ULK4: variants seen among roughly 807,000 people sequenced by gnomAD.
The protein encoded by ULK4 is inactive serine/threonine-protein kinase ULK4.
A neutral mutation model predicts 160.6 loss-of-function variants in ULK4; 133 were observed. The ratio of observed to expected loss-of-function variants is 0.83; its 90% CI spans 0.72 to 0.96. The LOEUF is 0.96. Ranked by LOEUF, ULK4 falls within the 40% of genes least tolerant of loss-of-function variation. The pLI, the probability that ULK4 is intolerant of heterozygous loss-of-function variation, is 0.00. For synonymous variants in ULK4, 534 were observed against 539.8 expected (o/e 0.99, Z 0.15); for missense variants, 1,580 against 1,499.5 (o/e 1.05, Z -0.89).
chr3:41,623,260 T>C (rs762312946), intron 30 of ULK4, among the ~76,000 whole-genome samples: 1 of 152,132 alleles, frequency 6.6e-6, no homozygotes, highest in African/African-American at 2.4e-5. Flanking sequence ...TATTTGTCTA[T>C]GATAACACAC....
intron 22 of ULK4, among the ~76,000 whole-genome samples, chr3:41,721,882 G>A (rs2037482971): frequency 6.6e-6 from 1 of 152,122 alleles, no homozygotes. Flanking sequence ...TACTCCAGCA[G>A]TACCCCAAAA....
At chr3:41,696,242 G>A (rs577309774) in intron 27 of ULK4, among the ~76,000 whole-genome samples, 2 of 152,172 alleles carry the variant, frequency 1.3e-5, no homozygotes, top group East Asian at 1.9e-4. Context: ...CAGTGGTCAC[G>A]CTCCTAGTCC....
At chr3:41,803,970 G>A (rs2040554545) in intron 19 of ULK4, among the ~76,000 whole-genome samples, 3 of 152,130 alleles carry the variant, frequency 2.0e-5, no homozygotes, top group Non-Finnish European at 4.4e-5. Flanking sequence ...CTTTATAGCA[G>A]CATGATTTAT....
At chr3:41,324,999 C>T (rs1031030720) in intron 35 of ULK4, among the ~76,000 whole-genome samples, 1 of 151,976 alleles carries the variant, frequency 6.6e-6, no homozygotes, top group Non-Finnish European at 1.5e-5. Flanking sequence ...GGTAACTACC[C>T]AGCCAAATGA....
rs544727118 is a variant in ULK4 at position 41,357,028 on chromosome 3, G to A, written c.3678+41051C>T. On this transcript the variant is annotated intron_variant, in intron 35 of 36. Coordinates refer to ENST00000301831, the MANE Select transcript of ULK4 (RefSeq NM_017886.4). ...TTGGGGTGTGGAATCTCGACTCTAA[G>A]CCCTTTCCACTTTTCAGGCATCTTC... Among the ~76,000 whole-genome samples, 72 of 152,280 alleles carry A rather than the reference G, an allele frequency of 4.7e-4. 1 individual carries two copies. Among genetic ancestry groups the A allele is most frequent in the African/African-American group, 1.7e-3 (71 of 41,556 alleles).
intron 32 of ULK4, among the ~76,000 whole-genome samples, chr3:41,484,973 C>A (rs1004272018): frequency 3.3e-5 from 5 of 152,074 alleles, no homozygotes; most frequent in Non-Finnish European, 4.4e-5. Context: ...AGTCAATATT[C>A]TAAAGCTAAA....
At chr3:41,677,074 T>C (rs1325027649) in intron 29 of ULK4, among the ~76,000 whole-genome samples, 1 of 151,798 alleles carries the variant, frequency 6.6e-6, no homozygotes, top group Non-Finnish European at 1.5e-5. Context: ...GCCTGGATAA[T>C]TTTTGTATTT....
intron 19 of ULK4, among the ~76,000 whole-genome samples, chr3:41,817,560 G>A (rs2041012163): frequency 1.3e-5 from 2 of 152,126 alleles, no homozygotes; most frequent in South Asian, 2.1e-4. Flanking sequence ...TTATAAGTGA[G>A]AACTAACATT....
chr3:41,942,942 G>A lies in ULK4; in HGVS notation c.139-4745C>T, dbSNP rs376876771. On this transcript the variant is annotated intron_variant, in intron 2 of 36. Coordinates refer to ENST00000301831, the MANE Select transcript of ULK4 (RefSeq NM_017886.4). ...ATATTACCAAAGTTAGGCTGGGCAC[G>A]GTGGCTCAGGCCTGTAATCCCAGCA... Among the ~76,000 whole-genome samples the A allele has an allele frequency of 5.9e-5, 9 of 151,964 alleles. No homozygotes were observed. In the South Asian group the frequency reaches 6.2e-4, roughly 11 times the overall value.
At chr3:41,486,855 T>G (rs1559640403) in intron 32 of ULK4, among the ~76,000 whole-genome samples, 1 of 151,960 alleles carries the variant, frequency 6.6e-6, no homozygotes, top group Non-Finnish European at 1.5e-5. Flanking sequence ...TAGAAGCATA[T>G]CCATTAAAGT....
At chr3:41,491,527 T>A (rs962691931) in intron 32 of ULK4, among the ~76,000 whole-genome samples, 2 of 151,980 alleles carry the variant, frequency 1.3e-5, no homozygotes, top group African/African-American at 4.8e-5. Flanking sequence ...AATATGGCAT[T>A]TCAGATCAGT....
At chr3:41,527,457 T>C (rs2086159753) in intron 32 of ULK4, among the ~76,000 whole-genome samples, 2 of 152,246 alleles carry the variant, frequency 1.3e-5, no homozygotes, top group South Asian at 2.1e-4. Context: ...GGTGAGTGGG[T>C]ATACTATTAT....
chr3:41,871,783 C>T (rs566599283), intron 17 of ULK4, among the ~76,000 whole-genome samples: 1 of 152,232 alleles, frequency 6.6e-6, no homozygotes, highest in African/African-American at 2.4e-5. Context: ...TCTAGCTTGT[C>T]TTTTTCATCA....
At chr3:41,831,685 G>A (rs954147143) in intron 18 of ULK4, among the ~76,000 whole-genome samples, 3 of 151,894 alleles carry the variant, frequency 2.0e-5, no homozygotes, top group Non-Finnish European at 4.4e-5. Context: ...TTATCCTAAT[G>A]TTCTCCCTCC....
At chr3:41,794,261 C>T (rs1405673043) in intron 20 of ULK4, among the ~76,000 whole-genome samples, 1 of 152,172 alleles carries the variant, frequency 6.6e-6, no homozygotes, top group Non-Finnish European at 1.5e-5. Context: ...TGCTATCCTC[C>T]ACCTGCTCAT....
intron 32 of ULK4, among the ~76,000 whole-genome samples, chr3:41,563,015 T>C (rs1019417771): frequency 1.3e-5 from 2 of 152,210 alleles, no homozygotes; most frequent in Admixed American, 6.5e-5. Flanking sequence ...TTCCTTTCCA[T>C]GTTTAGTGCT....
chr3:41,904,830 G>T (rs1278311685), intron 12 of ULK4, among the ~76,000 whole-genome samples: 4 of 152,192 alleles, frequency 2.6e-5, no homozygotes, highest in African/African-American at 9.6e-5. Context: ...ACACAACTAT[G>T]ATTGAAAGAA....
At chr3:41,522,916 G>C (rs9878598) in intron 32 of ULK4, among the ~76,000 whole-genome samples, 47,279 of 151,898 alleles carry the variant, frequency 0.31, 7,580 homozygotes, top group Non-Finnish European at 0.33. Flanking sequence ...TGTTTGTTTT[G>C]TTTTTGTTTT....
intron 2 of ULK4, among the ~76,000 whole-genome samples, chr3:41,943,137 C>T (rs1240155113): frequency 6.6e-6 from 1 of 150,546 alleles, no homozygotes; most frequent in Admixed American, 6.7e-5. Flanking sequence ...GGCGTGAACC[C>T]GGCAGGCGGA....
Sources: allele counts gnomAD v4.1 joint callset (sites outside exome capture counted in the v4.1 genomes callset), GRCh38; gene constraint gnomAD v4.1.1; transcripts MANE v1.5; gene names NCBI Gene and HGNC (gene_info 2026-07-23, HGNC 2026-07-21).